VAV1: variants seen among roughly 807,000 people sequenced by gnomAD.
VAV1 encodes vav guanine nucleotide exchange factor 1.
In VAV1, 33 loss-of-function variants were observed where a neutral mutation model predicts 128.1. The observed-to-expected ratio is 0.26, with a 90% CI of 0.20 to 0.34. VAV1 has a LOEUF of 0.34. Among genes scored for constraint, VAV1 ranks in the 10% least tolerant of loss-of-function variants. The pLI is 1.00. For missense variants in VAV1, 715 were observed against 1,093.7 expected, an observed-to-expected ratio of 0.65 and a Z score of 4.88; for synonymous variants, 394 against 409.8, an observed-to-expected ratio of 0.96 and a Z score of 0.47.
At chr19:6,814,938 C>T (rs1219825739) in intron 1 of VAV1, among the ~76,000 whole-genome samples, 3 of 151,574 alleles carry the variant, frequency 2.0e-5, no homozygotes, top group Non-Finnish European at 4.4e-5. Context: ...TTTTACTTTG[C>T]CAAGAGATTT....
chr19:6,836,653 G>C (rs1483530076), intron 20 of VAV1, 85 bp downstream of exon 20: 2 of 1,557,986 alleles, frequency 1.3e-6, no homozygotes, highest in African/African-American at 2.7e-5. Context: ...TTGGGTCATA[G>C]TTCCACCATG....
At chr19:6,814,671 C>CCTTCCTTCCTTCCTTTCTTCCTTT in intron 1 of VAV1, among the ~76,000 whole-genome samples, 1 of 25,794 alleles carries the variant, frequency 3.9e-5, no homozygotes, top group African/African-American at 1.6e-4. Flanking sequence ...TTCCTTCCTT[C>CCTTCCTTCCTTCCTTTCTTCCTTT]CTTTCTTTCT....
Position 6,822,328 on chromosome 19 carries a change from C to A in VAV1, c.557C>A (p.Pro186Gln). The part of the protein sequence containing the change: ...DLMRSEPVSM[P>Q]PKMTEYDKRC... ...ATGCGCTCGGAGCCCGTGTCCATGC[C>A]GGTGCGTGACGTGGAGGGTCGGGCC... The change falls in exon 5 of 27, where the codon CCG (proline) becomes CAG (glutamine). Residue 186 changes from proline (P) to glutamine (Q), a missense_variant and splice_region_variant. This residue lies in a region of VAV1 where 302 missense variants were observed against 477.8 expected (regional missense o/e 0.63). Coordinates refer to ENST00000602142, the MANE Select transcript of VAV1 (RefSeq NM_005428.4). The surrounding 1 kb of genome is among the most constrained non-coding windows in gnomAD (Gnocchi z 5.9). 1 of 1,164,416 alleles carries A rather than the reference C, an allele frequency of 8.6e-7. No individual in the cohort carries two copies. Among genetic ancestry groups the A allele is most frequent in the African/African-American group, 1.6e-5 (1 of 62,966 alleles). 72.1% of individuals were successfully genotyped at this position (1,164,416 alleles called of 1,614,324 possible). A position where few individuals can be genotyped will look rare whatever the true frequency, so the allele number is the denominator to read the frequency against.
intron 25 of VAV1, among the ~76,000 whole-genome samples, chr19:6,853,655 C>A (rs1282334217): frequency 6.6e-6 from 1 of 151,580 alleles, no homozygotes; most frequent in Non-Finnish European, 1.5e-5. Context: ...CACTTGAACC[C>A]AGGAGGCATA....
chr19:6,791,057 T>G (rs1450471764), intron 1 of VAV1, among the ~76,000 whole-genome samples: 2 of 152,176 alleles, frequency 1.3e-5, no homozygotes, highest in Non-Finnish European at 2.9e-5. Context: ...CTTTACATGG[T>G]TTTCTCCTAT....
chr19:6,853,034 T>C lies in VAV1; in HGVS notation c.2287T>C (p.Phe763Leu). The C allele has an allele frequency of 6.2e-7, 1 of 1,611,434 alleles. No homozygotes were observed. The highest frequency in any genetic ancestry group is 8.5e-7 in the Non-Finnish European group (1 of 1,178,258). The change falls in exon 25 of 27, where the codon TTC becomes CTC. Residue 763 changes from phenylalanine (F) to leucine (L), a missense_variant. Phe to Leu is a conservative substitution (Grantham distance 22, BLOSUM62 0). Transcript: ENST00000602142. Reference protein sequence around the residue: ...CFKSLDTTLQFPFKEPEKRTI... With the variant: ...CFKSLDTTLQLPFKEPEKRTI... ...CAAGTCTCTGGACACCACCTTGCAGTTCCCCTTCAAGGAGCCTGAAAAGAG... is the reference window on the plus strand; with the variant it reads ...CAAGTCTCTGGACACCACCTTGCAGCTCCCCTTCAAGGAGCCTGAAAAGAG...
chr19:6,814,671 C>CCTTCCTTTCTTTCTTTCTTTCTCT, intron 1 of VAV1, among the ~76,000 whole-genome samples: 1 of 25,796 alleles, frequency 3.9e-5, no homozygotes, highest in Admixed American at 6.1e-4. Flanking sequence ...TTCCTTCCTT[C>CCTTCCTTTCTTTCTTTCTTTCTCT]CTTTCTTTCT....
chr19:6,855,747 C>T (rs1878393304), intron 26 of VAV1, among the ~76,000 whole-genome samples: 1 of 152,134 alleles, frequency 6.6e-6, no homozygotes, highest in African/African-American at 2.4e-5. Context: ...ATCCGACCAC[C>T]ATCCACTCAC....
At chr19:6,805,405 A>G (rs1181905055) in intron 1 of VAV1, among the ~76,000 whole-genome samples, 1 of 151,994 alleles carries the variant, frequency 6.6e-6, no homozygotes, top group Non-Finnish European at 1.5e-5. Context: ...AGCCTGGGCC[A>G]CAGAGCAAGA....
chr19:6,790,318 TTTCTGAG>T (rs1970990623), intron 1 of VAV1, among the ~76,000 whole-genome samples: 1 of 152,180 alleles, frequency 6.6e-6, no homozygotes, highest in Non-Finnish European at 1.5e-5. Context: ...AGTTAATACT[TTTCTGAG>T]TTCATGCCCT....
At position 6,814,685 on chromosome 19, in the gene VAV1, T is replaced by TTCCTTCCTTCC. The variant is rs1568299285; in HGVS notation, c.205-6016_205-6015insCCTTCCTTCCT. Reference sequence around the variant, plus strand: ...CTTCCTTCCTTCCTTTCTTTCTTTCTTTCTTTCTTTCTTTCTTTCTTTCTT... The same window carrying TTCCTTCCTTCC: ...CTTCCTTCCTTCCTTTCTTTCTTTCTTCCTTCCTTCCTTCTTTCTTTCTTTCTTTCTTTCTT... On this transcript the variant is annotated intron_variant, in intron 1 of 26. Coordinates refer to ENST00000602142, the MANE Select transcript of VAV1 (RefSeq NM_005428.4). Among the ~76,000 whole-genome samples, 3 of 116,814 alleles carry TTCCTTCCTTCC rather than the reference T, an allele frequency of 2.6e-5. 1 individual carries two copies. Among genetic ancestry groups the TTCCTTCCTTCC allele is most frequent in the African/African-American group, 1.2e-4 (3 of 24,788 alleles). 76.6% of individuals were successfully genotyped at this position (116,814 alleles called of 152,430 possible). A position where few individuals can be genotyped will look rare whatever the true frequency, so the allele number is the denominator to read the frequency against.
intron 19 of VAV1, 70 bp from the exon 20 acceptor site, chr19:6,836,362 C>T (rs1599670110): frequency 7.1e-6 from 11 of 1,549,008 alleles, no homozygotes; most frequent in African/African-American, 2.7e-5. Context: ...TAGCCATTCT[C>T]GTGGGTGGCA....
At chr19:6,836,125 C>G (rs1002526998) in intron 19 of VAV1, 2 of 226,298 alleles carry the variant, frequency 8.8e-6, no homozygotes, top group African/African-American at 2.3e-5. Context: ...CTTCCTGCCT[C>G]GGCCTCCCAA....
chr19:6,821,956 T>G, intron 4 of VAV1, 97 bp downstream of exon 4: 1 of 1,513,056 alleles, frequency 6.6e-7, no homozygotes, highest in Non-Finnish European at 9.2e-7. Context: ...GGAAATAAGG[T>G]CATACCCTGG....
chr19:6,825,796 G>A (rs1417371144), intron 8 of VAV1, among the ~76,000 whole-genome samples: 2 of 152,094 alleles, frequency 1.3e-5, no homozygotes, highest in Admixed American at 6.6e-5. Context: ...AGGCTGAGGC[G>A]GGTGGATCAT....
rs376707473 is a variant in VAV1, at chr19:6,822,412, C to T, written c.559-7C>T. The T allele has an allele frequency of 6.4e-7, 1 of 1,557,882 alleles. No individual in the cohort carries two copies. The highest frequency in any genetic ancestry group is 2.4e-5 in the East Asian group (1 of 41,590). Reference sequence around the variant, plus strand: ...CCCCCAACACCGGCCTCTCCCCTCGCTCTCAGCCCAAGATGACAGAGTATG... The same window carrying T: ...CCCCCAACACCGGCCTCTCCCCTCGTTCTCAGCCCAAGATGACAGAGTATG... On this transcript the variant is annotated splice_region_variant and splice_polypyrimidine_tract_variant and intron_variant, in intron 5 of 26. Coordinates refer to ENST00000602142, the MANE Select transcript of VAV1 (RefSeq NM_005428.4). The surrounding 1 kb of genome is among the most constrained non-coding windows in gnomAD (Gnocchi z 5.9).
chr19:6,829,030 AG>A, intron 13 of VAV1, 130 bp downstream of exon 13: 2 of 1,063,282 alleles, frequency 1.9e-6, no homozygotes, highest in Non-Finnish European at 2.7e-6. Flanking sequence ...CCGGGCTTCT[AG>A]ATGGACAGGT....
intron 1 of VAV1, among the ~76,000 whole-genome samples, chr19:6,795,907 A>G (rs1378806180): frequency 6.6e-6 from 1 of 151,244 alleles, no homozygotes; most frequent in African/African-American, 2.4e-5. Flanking sequence ...CTGGTCTCAA[A>G]CTCCTGACCT....
chr19:6,832,986 A>C (rs148882420), intron 15 of VAV1, among the ~76,000 whole-genome samples, 198 bp from the exon 16 acceptor site: 14 of 152,274 alleles, frequency 9.2e-5, no homozygotes, highest in African/African-American at 3.4e-4. Context: ...GGAAACTCCT[A>C]GCCTGCTTTC....
Sources: gnomAD v4.1 joint callset for allele counts (sites outside exome capture counted in the v4.1 genomes callset) on GRCh38, gnomAD v4.1.1 for gene constraint, gnomAD v4.1.1 regional missense constraint, Gnocchi (gnomAD v3.1) non-coding constraint, MANE v1.5 for transcripts, NCBI Gene and HGNC (gene_info 2026-07-23, HGNC 2026-07-21) for gene names.